Variants in MUC7 observed in about 807,000 individuals in gnomAD.
MUC7 encodes the protein mucin-7.
In MUC7, 2 loss-of-function variants were observed where a neutral mutation model predicts 2.5. The observed-to-expected ratio is 0.81, with a 90% CI of 0.33 to 2.55. MUC7 has a LOEUF of 2.55. MUC7 is among the 30% of genes most tolerant of loss of function. MUC7 has a pLI of 0.11. For missense variants in MUC7, 408 were observed against 455.6 expected (o/e 0.90, Z 0.95); for synonymous variants, 133 against 173.4 (o/e 0.77, Z 1.83).
At chr4:70,448,283 T>C (rs780993570) in intron 1 of MUC7, among the ~76,000 whole-genome samples, 1 of 152,150 alleles carries the variant, frequency 6.6e-6, no homozygotes, top group Non-Finnish European at 1.5e-5. Flanking sequence ...ATTAATTACC[T>C]TTCTTTTGGG....
chr4:70,439,663 G>A (rs1409609967), intron 1 of MUC7, among the ~76,000 whole-genome samples: 1 of 151,814 alleles, frequency 6.6e-6, no homozygotes, highest in Non-Finnish European at 1.5e-5. Context: ...AATCACCATG[G>A]ACCTATTGTA....
intron 1 of MUC7, chr4:70,430,814 T>C (rs1437571836): frequency 5.9e-5 from 9 of 152,188 alleles, no homozygotes; most frequent in African/African-American, 1.7e-4. Context: ...AATGTTCTTC[T>C]AGATTAAAAT....
chr4:70,453,404 C>T (rs1006019168), intron 1 of MUC7, among the ~76,000 whole-genome samples: 1 of 152,228 alleles, frequency 6.6e-6, no homozygotes, highest in African/African-American at 2.4e-5. Context: ...TACCCCACAG[C>T]CACTGCCACC....
chr4:70,478,961 T>C (rs1735089575), intron 2 of MUC7, among the ~76,000 whole-genome samples: 1 of 152,232 alleles, frequency 6.6e-6, no homozygotes, highest in Admixed American at 6.5e-5. Flanking sequence ...TTGGTTGTTC[T>C]CAGTTGTGAA....
At chr4:70,435,345 T>C (rs996829560) in intron 1 of MUC7, among the ~76,000 whole-genome samples, 4 of 152,186 alleles carry the variant, frequency 2.6e-5, no homozygotes, top group African/African-American at 9.7e-5. Context: ...CTAAGTTTCT[T>C]TGTAGGTCTC....
At chr4:70,431,701 C>A (rs541345492) in intron 1 of MUC7, among the ~76,000 whole-genome samples, 1 of 152,240 alleles carries the variant, frequency 6.6e-6, no homozygotes, top group South Asian at 2.1e-4. Context: ...TAACCAATTT[C>A]ACAGCTTTGA....
At chr4:70,454,796 C>T (rs575414950) in intron 1 of MUC7, among the ~76,000 whole-genome samples, 26 of 152,110 alleles carry the variant, frequency 1.7e-4, no homozygotes, top group Non-Finnish European at 3.2e-4. Context: ...AATGCAGAAG[C>T]GGGTTTCAAG....
At chr4:70,454,656 C>A (rs1385260320) in intron 1 of MUC7, among the ~76,000 whole-genome samples, 1 of 152,102 alleles carries the variant, frequency 6.6e-6, no homozygotes, top group South Asian at 2.1e-4. Flanking sequence ...TTTGGAAGGT[C>A]CTTTTCTGTG....
intron 1 of MUC7, among the ~76,000 whole-genome samples, chr4:70,466,040 A>G (rs1246486675): frequency 6.6e-6 from 1 of 152,254 alleles, no homozygotes; most frequent in Non-Finnish European, 1.5e-5. Flanking sequence ...TCAAACTAAC[A>G]TAAGACTAGC....
intron 1 of MUC7, among the ~76,000 whole-genome samples, chr4:70,456,973 C>G (rs1241519499): frequency 1.3e-5 from 2 of 152,034 alleles, no homozygotes; most frequent in Admixed American, 1.3e-4. Context: ...GAAAAAGAAT[C>G]AAGAAATAAT....
chr4:70,473,901 G>A (rs1734913781), intron 1 of MUC7, 106 bp from the exon 2 acceptor site: 1 of 759,068 alleles, frequency 1.3e-6, no homozygotes, highest in African/African-American at 1.8e-5. Context: ...GAAACCATTG[G>A]TCTCTTTTTG....
intron 1 of MUC7, among the ~76,000 whole-genome samples, chr4:70,438,406 AAACTT>A (rs1416998540): frequency 2.7e-5 from 4 of 150,914 alleles, no homozygotes; most frequent in Non-Finnish European, 4.4e-5. Flanking sequence ...CTGAAATAGA[AAACTT>A]AACACTTCAG....
chr4:70,453,904 C>A (rs1734353392), intron 1 of MUC7, among the ~76,000 whole-genome samples: 1 of 152,104 alleles, frequency 6.6e-6, no homozygotes, highest in Non-Finnish European at 1.5e-5. Flanking sequence ...ACAGCAGGTT[C>A]TTTTCTGACC....
At chr4:70,455,744 C>A (rs1275010815) in intron 1 of MUC7, among the ~76,000 whole-genome samples, 1 of 152,072 alleles carries the variant, frequency 6.6e-6, no homozygotes, top group Non-Finnish European at 1.5e-5. Flanking sequence ...GTATGTGGAA[C>A]TCGAGCTTTA....
Position 70,481,940 on chromosome 4 carries a change from C to T in MUC7, c.*62C>T, listed in dbSNP as rs1421325519. 1.9e-6 allele frequency: 3 copies of T among 1,539,172 alleles called. No homozygotes were observed. Among genetic ancestry groups the T allele is most frequent in the African/African-American group, 2.8e-5 (2 of 72,420 alleles). On this transcript the variant is annotated 3_prime_UTR_variant, in exon 3 of 3. Coordinates refer to ENST00000304887, the MANE Select transcript of MUC7 (RefSeq NM_152291.3). Reference sequence around the variant, plus strand: ...GATGTGATTCATGAGTGCAGAACTACCACCTTTCTTTTAGCACCAATCCCA... The same window carrying T: ...GATGTGATTCATGAGTGCAGAACTATCACCTTTCTTTTAGCACCAATCCCA...
intron 1 of MUC7, among the ~76,000 whole-genome samples, chr4:70,434,830 T>C (rs1200057021): frequency 6.6e-6 from 1 of 152,208 alleles, no homozygotes; most frequent in Non-Finnish European, 1.5e-5. Flanking sequence ...TCCTGCTTTC[T>C]CTTGTGGGCA....
chr4:70,436,924 T>C (rs555318741), intron 1 of MUC7, among the ~76,000 whole-genome samples: 6 of 152,306 alleles, frequency 3.9e-5, no homozygotes, highest in Non-Finnish European at 5.9e-5. Context: ...TATTTCTTTC[T>C]GTTTGTTAGT....
intron 1 of MUC7, among the ~76,000 whole-genome samples, chr4:70,455,981 C>T (rs1346565203): frequency 6.6e-6 from 1 of 152,112 alleles, no homozygotes; most frequent in Non-Finnish European, 1.5e-5. Flanking sequence ...CAAGAAGTTC[C>T]TAATTTCCAT....
chr4:70,437,322 G>C lies in MUC7; in HGVS notation c.-93+6635G>C, dbSNP rs1179371139. ...CCTGATCCCAGAGGTGGAATCTAGA[G>C]AGGCAGTAGCCTTGCTGAGCTGCAG... On this transcript the variant is annotated intron_variant, in intron 1 of 3. Coordinates refer to the MUC7 transcript ENST00000413702. 2.0e-5 allele frequency among the ~76,000 whole-genome samples: 3 copies of C among 152,244 alleles called. No homozygotes were observed. The East Asian group carries it at 5.8e-4, about 29-fold the overall frequency.
Sources: allele counts gnomAD v4.1 joint callset (sites outside exome capture counted in the v4.1 genomes callset), GRCh38; gene constraint gnomAD v4.1.1; transcripts MANE v1.5; gene names NCBI Gene and HGNC (gene_info 2026-07-23, HGNC 2026-07-21).